Variants in KIF1B observed in about 807,000 individuals in gnomAD.
The protein encoded by KIF1B is kinesin-like protein KIF1B.
In KIF1B, 76 loss-of-function variants were observed where a neutral mutation model predicts 241.9. The observed-to-expected ratio is 0.31, with a 90% CI of 0.26 to 0.38. The LOEUF (loss-of-function observed/expected upper bound fraction) is 0.38, where lower values mean the gene tolerates loss of function less well. Ranked by LOEUF, KIF1B falls within the 10% of genes least tolerant of loss-of-function variation. KIF1B has a pLI of 1.00. For synonymous variants in KIF1B, 750 were observed against 796.7 expected, an observed-to-expected ratio of 0.94 and a Z score of 0.99; for missense variants, 1,622 against 2,271.4, an observed-to-expected ratio of 0.71 and a Z score of 5.81.
At chr1:10,300,826 TGAAA>T (rs1650505291) in intron 22 of KIF1B, among the ~76,000 whole-genome samples, 1 of 152,170 alleles carries the variant, frequency 6.6e-6, no homozygotes, top group Non-Finnish European at 1.5e-5. Flanking sequence ...AAACTAAAAA[TGAAA>T]AGAAAAATTA....
rs774680077 is a variant in KIF1B, at chr1:10,368,527, A to G, written c.4813A>G (p.Ser1605Gly). The change falls in exon 44 of 49, where the codon AGT (serine) becomes GGT (glycine). Residue 1605 changes from serine to glycine, a missense_variant. Physicochemically the swap from Ser to Gly is moderately conservative, Grantham distance 56 (BLOSUM62 0). Transcript: ENST00000676179. The stretch of plus-strand genomic sequence containing the variant: ...ATTCAGCCAGGTGCACGGCAGCGTC[A>G]GTGACTGTAAGGTGAGCACATTGAC... ...REFSQVHGSV[S>G]DCKLSDISPI... 1.2e-6 allele frequency: 2 copies of G among 1,613,808 alleles called. No homozygotes were observed. The highest frequency in any genetic ancestry group is 4.5e-5 in the East Asian group (2 of 44,892).
intron 5 of KIF1B, among the ~76,000 whole-genome samples, chr1:10,263,145 G>C (rs1430629158): frequency 1.3e-5 from 2 of 151,924 alleles, no homozygotes; most frequent in Non-Finnish European, 1.5e-5. Flanking sequence ...TTAGCCGGCT[G>C]TGGTGGTGCA....
intron 22 of KIF1B, chr1:10,305,203 A>C (rs1650767239): frequency 1.8e-5 from 19 of 1,046,416 alleles, no homozygotes; most frequent in Non-Finnish European, 2.2e-5. Context: ...AGGTCTTCAA[A>C]CATATCTTGC....
At chr1:10,256,178 A>G in intron 2 of KIF1B, 69 bp from the exon 3 acceptor site, 1 of 971,600 alleles carries the variant, frequency 1.0e-6, no homozygotes, top group Non-Finnish European at 1.7e-6. Flanking sequence ...TTGAACACAC[A>G]GAATAACATG....
chr1:10,249,251 C>T (rs193192407), intron 2 of KIF1B, among the ~76,000 whole-genome samples: 1 of 152,270 alleles, frequency 6.6e-6, no homozygotes, highest in Admixed American at 6.5e-5. Flanking sequence ...AAGTCCAACA[C>T]ACTATTTTAG....
chr1:10,267,686 TTGACTG>T, intron 6 of KIF1B, 128 bp downstream of exon 6: 1 of 805,700 alleles, frequency 1.2e-6, no homozygotes, highest in South Asian at 1.5e-5. Context: ...CTCTGATCCT[TTGACTG>T]TGCTGTAACA....
At chr1:10,247,781 C>G (rs1647249745) in intron 2 of KIF1B, among the ~76,000 whole-genome samples, 1 of 152,158 alleles carries the variant, frequency 6.6e-6, no homozygotes, top group East Asian at 1.9e-4. Context: ...CAGCAGTGGT[C>G]CCCAACCTTT....
chr1:10,349,188 C>G (rs541286019), intron 37 of KIF1B, among the ~76,000 whole-genome samples: 1 of 152,178 alleles, frequency 6.6e-6, no homozygotes, highest in African/African-American at 2.4e-5. Flanking sequence ...CCTGTAATCC[C>G]AGCACTTTTG....
chr1:10,324,239 A>C (rs1651635577), intron 25 of KIF1B, among the ~76,000 whole-genome samples, 177 bp downstream of exon 25: 1 of 152,128 alleles, frequency 6.6e-6, no homozygotes, highest in Non-Finnish European at 1.5e-5. Flanking sequence ...TTAAGTGAAT[A>C]AATGCACTCC....
At chr1:10,273,577 A>G (rs1034276037) in intron 10 of KIF1B, among the ~76,000 whole-genome samples, 2 of 152,006 alleles carry the variant, frequency 1.3e-5, no homozygotes, top group African/African-American at 2.4e-5. Context: ...TGAACCTGCT[A>G]TTGGAAATGA....
chr1:10,287,663 T>C (rs1649781733), intron 15 of KIF1B, among the ~76,000 whole-genome samples: 1 of 152,188 alleles, frequency 6.6e-6, no homozygotes, highest in African/African-American at 2.4e-5. Flanking sequence ...ATGTTCTGAT[T>C]TACCCTTCAG....
At position 10,378,225 on chromosome 1, in the gene KIF1B, G is replaced by A. The variant is rs541863035; in HGVS notation, c.*1638G>A. The A allele has an allele frequency of 7.3e-6, 5 of 689,576 alleles. No homozygotes were observed. In the South Asian group the frequency reaches 7.8e-5, roughly 11 times the overall value. The allele number at this position is 689,576 out of a possible 1,614,324, so 42.7% of individuals were successfully genotyped here. The stretch of plus-strand genomic sequence containing the variant: ...AGGGGCACGGATGAACGTCCAGGGA[G>A]CCCGGGCCCCAGGCTTTGTTGCGTG... On this transcript the variant is annotated 3_prime_UTR_variant, in exon 49 of 49. Coordinates refer to ENST00000676179, the MANE Select transcript of KIF1B (RefSeq NM_001365951.3).
intron 1 of KIF1B, among the ~76,000 whole-genome samples, chr1:10,215,978 G>A (rs957557444): frequency 2.0e-5 from 3 of 152,166 alleles, no homozygotes; most frequent in Non-Finnish European, 4.4e-5. Context: ...TGATAAAATA[G>A]CTTATTCATA....
Position 10,321,809 on chromosome 1 carries a change from C to T in KIF1B, c.2310C>T (p.Ala770=), listed in dbSNP as rs749823391. The change falls in exon 24 of 49, where the codon GCC becomes GCT. Residue 770 remains alanine, a synonymous_variant. Coordinates refer to ENST00000676179, the MANE Select transcript of KIF1B (RefSeq NM_001365951.3). ...TACGGGACTTACTCTGGGGCAATGC[C>T]GTGTACCTAAAGGAGGCCAATGCCA... ...TSLRDLLWGN[A]VYLKEANAIS... is the part of the protein sequence containing the mutation. The T allele has an allele frequency of 1.9e-5, 30 of 1,614,002 alleles. No homozygotes were observed. The highest frequency in any genetic ancestry group is 1.0e-4 in the Admixed American group (6 of 60,000).
chr1:10,253,053 A>G (rs1647557679), intron 2 of KIF1B, among the ~76,000 whole-genome samples: 1 of 152,136 alleles, frequency 6.6e-6, no homozygotes, highest in African/African-American at 2.4e-5. Flanking sequence ...CAATGCCTAC[A>G]GTGTGATTTT....
chr1:10,305,780 T>C, intron 22 of KIF1B: 1 of 1,055,238 alleles, frequency 9.5e-7, no homozygotes, highest in Non-Finnish European at 1.1e-6. Context: ...GAGAATCCAC[T>C]AAGAAAGATG....
At chr1:10,319,983 CT>C (rs746664005) in intron 22 of KIF1B, 59 bp from the exon 23 acceptor site, 1 of 1,106,666 alleles carries the variant, frequency 9.0e-7, no homozygotes, top group Non-Finnish European at 1.4e-6. Flanking sequence ...TTCCATTTCT[CT>C]TTCCCTGCCC....
In KIF1B at chr1:10,374,682, C is replaced by T. The variant is rs531334449; in HGVS notation, c.5097-172C>T. On this transcript the variant is annotated intron_variant, in intron 46 of 48. Transcript: ENST00000676179. The surrounding 1 kb of genome is among the most constrained non-coding windows in gnomAD (Gnocchi z 4.3). ...CCTGGCGCAGCATGTTGCCATGGCACGGTTTCGCTTTTGCCGTATTACTTT... is the reference window on the plus strand; with the variant it reads ...CCTGGCGCAGCATGTTGCCATGGCATGGTTTCGCTTTTGCCGTATTACTTT... 7.9e-5 allele frequency among the ~76,000 whole-genome samples: 12 copies of T among 152,268 alleles called. No homozygotes were observed. Among genetic ancestry groups the T allele is most frequent in the South Asian group, 6.2e-4 (3 of 4,820 alleles).
At chr1:10,222,352 A>C (rs1159326808) in intron 1 of KIF1B, among the ~76,000 whole-genome samples, 1 of 152,170 alleles carries the variant, frequency 6.6e-6, no homozygotes, top group Non-Finnish European at 1.5e-5. Context: ...AGAGTTGGGC[A>C]AGGAAAGCTG....
Sources: allele counts gnomAD v4.1 joint callset (sites outside exome capture counted in the v4.1 genomes callset), GRCh38; gene constraint gnomAD v4.1.1; non-coding constraint Gnocchi (gnomAD v3.1); transcripts MANE v1.5; gene names NCBI Gene and HGNC (gene_info 2026-07-23, HGNC 2026-07-21).